RERE: variants seen among roughly 807,000 people sequenced by gnomAD.
The protein encoded by RERE is arginine-glutamic acid dipeptide repeats.
A neutral mutation model predicts 146.1 loss-of-function variants in RERE; 40 were observed. The observed-to-expected ratio is 0.27, with a 90% CI of 0.21 to 0.36. The LOEUF (loss-of-function observed/expected upper bound fraction) is 0.36, where lower values mean the gene tolerates loss of function less well. Ranked by LOEUF, RERE falls within the 10% of genes least tolerant of loss-of-function variation. The pLI is 1.00. For synonymous variants in RERE, 1,003 were observed against 866.0 expected (o/e 1.16, Z -2.78); for missense variants, 1,933 against 2,138.7 (o/e 0.90, Z 1.90).
chr1:8,549,315 G>A (rs1483152354), intron 6 of RERE, among the ~76,000 whole-genome samples: 1 of 152,142 alleles, frequency 6.6e-6, no homozygotes, highest in East Asian at 1.9e-4. Context: ...AAATACAGAA[G>A]TTTGCTGATA....
intron 12 of RERE, among the ~76,000 whole-genome samples, chr1:8,421,965 C>T (rs968813389): frequency 3.3e-5 from 5 of 151,834 alleles, no homozygotes; most frequent in Non-Finnish European, 5.9e-5. Flanking sequence ...GGAAGACTCT[C>T]TCCCCATCTG....
At chr1:8,447,682 A>C (rs1644339219) in intron 11 of RERE, among the ~76,000 whole-genome samples, 1 of 152,170 alleles carries the variant, frequency 6.6e-6, no homozygotes, top group Admixed American at 6.5e-5. Flanking sequence ...GCAGAGGTAA[A>C]ATCTACCAAG....
chr1:8,778,251 T>C (rs931763384), intron 1 of RERE, among the ~76,000 whole-genome samples: 4 of 152,372 alleles, frequency 2.6e-5, no homozygotes, highest in Admixed American at 1.3e-4. Context: ...TATTCAGCTC[T>C]AAGAAGATGT....
rs1251921269 is a variant in RERE at position 8,361,471 on chromosome 1, G to A, written c.2036C>T (p.Ser679Leu). The A allele has an allele frequency of 4.3e-6, 7 of 1,612,172 alleles. No individual in the cohort carries two copies. The highest frequency in any genetic ancestry group is 2.2e-5 in the East Asian group (1 of 44,884). Residue 679 changes from serine (S) to leucine (L), a missense_variant, in exon 18 of 23, where the codon TCG (serine) becomes TTG (leucine). Ser to Leu is a moderately radical substitution (Grantham distance 145, BLOSUM62 -2). This residue lies in a region of RERE where 1,255 missense variants were observed against 1,153.8 expected (regional missense o/e 1.09). Coordinates refer to ENST00000400908, the MANE Select transcript of RERE (RefSeq NM_001042681.2). ...TKTQEISRPN[S>L]PSEGEGESSD... Reference sequence around the variant, plus strand: ...ACTCTCTCCCTCACCTTCAGATGGCGAGTTGGGCCTGCTGATCTCCTGGAG... The same window carrying A: ...ACTCTCTCCCTCACCTTCAGATGGCAAGTTGGGCCTGCTGATCTCCTGGAG...
At chr1:8,661,982 A>G (rs1277567235) in intron 1 of RERE, among the ~76,000 whole-genome samples, 1 of 152,222 alleles carries the variant, frequency 6.6e-6, no homozygotes, top group Non-Finnish European at 1.5e-5. Flanking sequence ...CACATTTCCA[A>G]AGGCAGTACC....
intron 1 of RERE, among the ~76,000 whole-genome samples, chr1:8,767,744 T>C (rs898037181): frequency 6.6e-6 from 1 of 152,018 alleles, no homozygotes; most frequent in African/African-American, 2.4e-5. Flanking sequence ...GGCGGATCAC[T>C]TGAAGGTCAG....
intron 6 of RERE, among the ~76,000 whole-genome samples, chr1:8,551,960 G>C (rs969185724): frequency 6.6e-6 from 1 of 152,182 alleles, no homozygotes; most frequent in African/African-American, 2.4e-5. Context: ...ACTCTATGGT[G>C]GTTATGGATA....
Position 8,355,547 on chromosome 1 carries a change from T to C in RERE, c.4539A>G (p.Ala1513=). Residue 1513 remains alanine (A), a synonymous_variant, in exon 22 of 23, where the codon GCA becomes GCG. Transcript: ENST00000400908. ...LPGAIPPPMS[A]AHQLQAMHAQ... ...CATGCATGGCCTGCAGCTGGTGGGC[T>C]GCTGACATGGGGGGTGGGATGGCCC... 2 of 1,600,166 alleles carry C rather than the reference T, an allele frequency of 1.2e-6. 1 individual carries two copies. The highest frequency in any genetic ancestry group is 2.2e-5 in the South Asian group (2 of 90,412).
At chr1:8,522,376 C>T (rs1025516946) in intron 7 of RERE, among the ~76,000 whole-genome samples, 5 of 152,088 alleles carry the variant, frequency 3.3e-5, no homozygotes, top group Non-Finnish European at 7.4e-5. Context: ...AAGTACCTGG[C>T]AAATGCGTCT....
At chr1:8,737,108 A>G (rs1640216768) in intron 1 of RERE, among the ~76,000 whole-genome samples, 1 of 152,174 alleles carries the variant, frequency 6.6e-6, no homozygotes, top group African/African-American at 2.4e-5. Flanking sequence ...TTCCTCTACC[A>G]GGGTCCAAAG....
chr1:8,461,136 G>T (rs1644521091), intron 11 of RERE, among the ~76,000 whole-genome samples: 1 of 151,998 alleles, frequency 6.6e-6, no homozygotes, highest in African/African-American at 2.4e-5. Flanking sequence ...AGTTCAGCCT[G>T]GGGCCTTTAT....
chr1:8,452,317 T>A (rs149297097), intron 11 of RERE, among the ~76,000 whole-genome samples: 5 of 152,310 alleles, frequency 3.3e-5, no homozygotes, highest in Admixed American at 3.3e-4. Flanking sequence ...CTCTAGATTC[T>A]GTGGTGATAA....
intron 1 of RERE, among the ~76,000 whole-genome samples, chr1:8,759,021 T>C (rs1640701486): frequency 1.3e-5 from 2 of 152,124 alleles, no homozygotes; most frequent in Admixed American, 1.3e-4. Flanking sequence ...TAAAAAGATA[T>C]TTCCCAACTA....
At chr1:8,787,057 G>T in intron 1 of RERE, 1 of 536,846 alleles carries the variant, frequency 1.9e-6, no homozygotes, top group Non-Finnish European at 3.3e-6. Context: ...ATTATACTTG[G>T]AATGAAAGCC....
chr1:8,520,754 T>A (rs6577495), intron 7 of RERE, among the ~76,000 whole-genome samples: 56,080 of 93,808 alleles, frequency 0.6, 17,156 homozygotes, highest in African/African-American at 0.75. Context: ...AAAAACTTTT[T>A]AAAAAAAAAA....
Position 8,591,601 on chromosome 1 carries a change from C to T in RERE, c.522+22960G>A, listed in dbSNP as rs76302526. Among the ~76,000 whole-genome samples the T allele has an allele frequency of 1.9e-3, 282 of 152,222 alleles. 2 individuals are homozygous for T. Among genetic ancestry groups the T allele is most frequent in the African/African-American group, 6.5e-3 (270 of 41,538 alleles). ...TAGTGACTGGAAATTATCCACAGGA[C>T]GACAACTCCAGGAAGCAGTTGCCTC... is the stretch of plus-strand genomic sequence containing the variant. On this transcript the variant is annotated intron_variant, in intron 4 of 22. Transcript: ENST00000400908.
intron 21 of RERE, 135 bp from the exon 22 acceptor site, chr1:8,355,734 C>A: frequency 1.3e-6 from 1 of 774,166 alleles, no homozygotes; most frequent in Non-Finnish European, 2.0e-6. Flanking sequence ...CCCTCCCAGA[C>A]TCTGCAGACA....
intron 1 of RERE, among the ~76,000 whole-genome samples, chr1:8,790,440 G>C (rs1391409433): frequency 6.6e-6 from 1 of 152,124 alleles, no homozygotes; most frequent in Admixed American, 6.6e-5. Flanking sequence ...AGAGAAATAT[G>C]AAGGTAATAG....
chr1:8,470,752 T>C (rs1644672532), intron 10 of RERE, among the ~76,000 whole-genome samples: 1 of 151,532 alleles, frequency 6.6e-6, no homozygotes, highest in Non-Finnish European at 1.5e-5. Flanking sequence ...GTTATAGACA[T>C]TGACTTCTAC....
Sources: gnomAD v4.1 joint callset for allele counts (sites outside exome capture counted in the v4.1 genomes callset) on GRCh38, gnomAD v4.1.1 for gene constraint, gnomAD v4.1.1 regional missense constraint, MANE v1.5 for transcripts, NCBI Gene and HGNC (gene_info 2026-07-23, HGNC 2026-07-21) for gene names.